Variants in GRIK3 observed in about 807,000 individuals in gnomAD.
The protein encoded by GRIK3 is glutamate ionotropic receptor kainate type subunit 3.
In GRIK3, 29 loss-of-function variants were observed where a neutral mutation model predicts 102.5. That is an observed-to-expected ratio of 0.28 (90% CI 0.21 to 0.39). GRIK3 has a LOEUF of 0.39. GRIK3 is among the 10% of genes least tolerant of loss of function. The pLI, the probability that GRIK3 is intolerant of heterozygous loss-of-function variation, is 1.00. For synonymous variants in GRIK3, 511 were observed against 504.9 expected, an observed-to-expected ratio of 1.01 and a Z score of -0.16; for missense variants, 908 against 1,252.4, an observed-to-expected ratio of 0.73 and a Z score of 4.15.
At chr1:36,824,725 C>T (rs759475311) in intron 11 of GRIK3, among the ~76,000 whole-genome samples, 2 of 152,028 alleles carry the variant, frequency 1.3e-5, no homozygotes, top group Non-Finnish European at 1.5e-5. Context: ...CAGAGGGCTC[C>T]GCTGGAAAGG....
chr1:36,975,250 G>A (rs1642182928), intron 1 of GRIK3, among the ~76,000 whole-genome samples: 1 of 148,910 alleles, frequency 6.7e-6, no homozygotes, highest in African/African-American at 2.5e-5. Flanking sequence ...ACATCACCCA[G>A]GACAAGGCTA....
intron 7 of GRIK3, among the ~76,000 whole-genome samples, 153 bp downstream of exon 7, chr1:36,858,955 T>C (rs965305318): frequency 6.6e-6 from 1 of 152,208 alleles, no homozygotes; most frequent in Non-Finnish European, 1.5e-5. Context: ...GAGCCCATTT[T>C]CACACGGGAA....
At chr1:36,873,545 A>G (rs763716490) in intron 3 of GRIK3, among the ~76,000 whole-genome samples, 10 of 152,094 alleles carry the variant, frequency 6.6e-5, no homozygotes, top group Non-Finnish European at 1.3e-4. Context: ...CCAGGTCCCA[A>G]GAGGGCCATC....
chr1:37,017,894 A>G (rs898726123), intron 1 of GRIK3, among the ~76,000 whole-genome samples: 1 of 152,150 alleles, frequency 6.6e-6, no homozygotes, highest in Non-Finnish European at 1.5e-5. Context: ...CAAATGATGG[A>G]TGGGTAATGA....
intron 9 of GRIK3, among the ~76,000 whole-genome samples, chr1:36,846,132 G>A (rs1380819012): frequency 6.6e-6 from 1 of 152,152 alleles, no homozygotes; most frequent in Admixed American, 6.5e-5. Flanking sequence ...TGAGGTTTGG[G>A]CAGATGAATT....
chr1:36,826,766 G>A (rs1642759309), intron 10 of GRIK3, among the ~76,000 whole-genome samples: 1 of 152,200 alleles, frequency 6.6e-6, no homozygotes, highest in Admixed American at 6.5e-5. Flanking sequence ...AAAGAAGGGG[G>A]TGGGGTAATT....
At chr1:36,877,544 G>A (rs1299411193) in intron 3 of GRIK3, among the ~76,000 whole-genome samples, 1 of 152,168 alleles carries the variant, frequency 6.6e-6, no homozygotes, top group African/African-American at 2.4e-5. Context: ...CTGCTTTAAA[G>A]ATAAAACCTG....
intron 1 of GRIK3, among the ~76,000 whole-genome samples, chr1:37,015,458 T>A (rs1352397943): frequency 6.6e-6 from 1 of 152,192 alleles, no homozygotes; most frequent in Non-Finnish European, 1.5e-5. Context: ...GCTGGCAGAA[T>A]AATAAAATCT....
chr1:36,825,613 C>T lies in GRIK3; in HGVS notation c.1744G>A (p.Val582Ile), dbSNP rs371012951. The T allele has an allele frequency of 2.8e-5, 44 of 1,574,612 alleles. No individual in the cohort carries two copies. Among genetic ancestry groups the T allele is most frequent in the African/African-American group, 1.4e-4 (10 of 73,684 alleles). Reference sequence around the variant, plus strand: ...AAGGAATTGCCTTACCTGGCGATGACGAAGAGGACACAGCTGACCCCCAGG... The same window carrying T: ...AAGGAATTGCCTTACCTGGCGATGATGAAGAGGACACAGCTGACCCCCAGG... ...AYLGVSCVLF[V>I]IARFSPYEWY... Residue 582 changes from valine (V) to isoleucine (I), a missense_variant, in exon 11 of 16, where the codon GTC becomes ATC. Physicochemically the swap from Val to Ile is conservative, Grantham distance 29. Around this residue, in one of 3 missense-constraint regions of GRIK3, gnomAD observed 585 missense variants for 824.9 expected, o/e 0.71. Coordinates refer to ENST00000373091, the MANE Select transcript of GRIK3 (RefSeq NM_000831.4).
chr1:36,966,694 T>C (rs1229898139), intron 1 of GRIK3, among the ~76,000 whole-genome samples: 1 of 151,870 alleles, frequency 6.6e-6, no homozygotes, highest in Non-Finnish European at 1.5e-5. Flanking sequence ...TACCACTGAA[T>C]CCTTGATGGA....
At chr1:36,832,465 C>T (rs1640314688) in intron 10 of GRIK3, among the ~76,000 whole-genome samples, 1 of 152,196 alleles carries the variant, frequency 6.6e-6, no homozygotes, top group South Asian at 2.1e-4. Context: ...CCTCAAGGGC[C>T]TTGGACATGA....
At chr1:37,017,395 A>AG (rs35128128) in intron 1 of GRIK3, among the ~76,000 whole-genome samples, 3 of 137,934 alleles carry the variant, frequency 2.2e-5, no homozygotes, top group Non-Finnish European at 4.7e-5. Flanking sequence ...AAAAAAAAAA[A>AG]GAAGAAGAAA....
intron 10 of GRIK3, among the ~76,000 whole-genome samples, chr1:36,837,545 T>A (rs1640394933): frequency 6.6e-6 from 1 of 152,138 alleles, no homozygotes; most frequent in African/African-American, 2.4e-5. Flanking sequence ...GCTTCCATAC[T>A]GGCTCAGGTT....
At chr1:36,945,513 A>G (rs1029773748) in intron 1 of GRIK3, among the ~76,000 whole-genome samples, 2 of 151,600 alleles carry the variant, frequency 1.3e-5, no homozygotes, top group Admixed American at 6.5e-5. Flanking sequence ...CTGATCCTGC[A>G]ACATCGTTTA....
intron 1 of GRIK3, among the ~76,000 whole-genome samples, chr1:36,964,994 A>G (rs1404128221): frequency 6.6e-6 from 1 of 152,196 alleles, no homozygotes. Context: ...TGATCCTCTT[A>G]AGGTTTATCA....
At chr1:36,991,042 T>C (rs184716446) in intron 1 of GRIK3, among the ~76,000 whole-genome samples, 33 of 152,286 alleles carry the variant, frequency 2.2e-4, no homozygotes, top group African/African-American at 7.9e-4. Flanking sequence ...AGAGTATAAA[T>C]TGATTACCCT....
chr1:36,801,811 T>C lies in GRIK3; in HGVS notation c.*40A>G. ...CCTTCCAATCTCCTTTGCTTTCCTC[T>C]GCCCAGCCCCCAGGCCTGAGGTCCC... On this transcript the variant is annotated 3_prime_UTR_variant, in exon 16 of 16. Coordinates refer to ENST00000373091, the MANE Select transcript of GRIK3 (RefSeq NM_000831.4). The C allele has an allele frequency of 6.6e-7, 1 of 1,518,256 alleles. No homozygotes were observed. Among genetic ancestry groups the C allele is most frequent in the East Asian group, 2.3e-5 (1 of 43,574 alleles). The allele number at this position is 1,518,256 out of a possible 1,614,324, so 94.0% of individuals were successfully genotyped here. A position where few individuals can be genotyped will look rare whatever the true frequency, so the allele number is the denominator to read the frequency against.
intron 1 of GRIK3, among the ~76,000 whole-genome samples, chr1:36,911,614 T>G (rs1436421338): frequency 6.6e-6 from 1 of 152,000 alleles, no homozygotes; most frequent in African/African-American, 2.4e-5. Context: ...GGCAGTTGTT[T>G]TAATTGATCT....
intron 10 of GRIK3, among the ~76,000 whole-genome samples, chr1:36,831,867 C>G (rs904817065): frequency 2.6e-5 from 4 of 152,366 alleles, no homozygotes; most frequent in African/African-American, 9.6e-5. Flanking sequence ...TCCTCCCCAT[C>G]TCTCTTCCTC....
Sources: allele counts gnomAD v4.1 joint callset (sites outside exome capture counted in the v4.1 genomes callset), GRCh38; gene constraint gnomAD v4.1.1; regional missense constraint gnomAD v4.1.1; transcripts MANE v1.5; gene names NCBI Gene and HGNC (gene_info 2026-07-23, HGNC 2026-07-21).